MMRN1: variants seen among roughly 807,000 people sequenced by gnomAD.
The protein encoded by MMRN1 is multimerin 1.
In MMRN1, 94 loss-of-function variants were observed where a neutral mutation model predicts 100.7. The ratio of observed to expected loss-of-function variants is 0.93; its 90% CI spans 0.79 to 1.11. MMRN1 has a LOEUF of 1.11. MMRN1 is among the 50% of genes least tolerant of loss of function. MMRN1 has a pLI of 0.00. For synonymous variants in MMRN1, 575 were observed against 505.0 expected (o/e 1.14, Z -1.86); for missense variants, 1,606 against 1,439.1 (o/e 1.12, Z -1.88).
chr4:89,914,424 T>C (rs2110602245), intron 3 of MMRN1, among the ~76,000 whole-genome samples: 1 of 151,418 alleles, frequency 6.6e-6, no homozygotes, highest in African/African-American at 2.4e-5. Flanking sequence ...TAGCTGCAAC[T>C]CAGATAATCA....
chr4:89,889,979 A>G (rs930512077), upstream of MMRN1, among the ~76,000 whole-genome samples: 3 of 151,964 alleles, frequency 2.0e-5, no homozygotes, highest in South Asian at 2.1e-4. Context: ...AAAGTCACTC[A>G]GTGAAGACCT....
chr4:89,936,762 C>G lies in MMRN1; in HGVS notation c.3082C>G (p.Arg1028Gly). The G allele has an allele frequency of 1.9e-6, 3 of 1,604,392 alleles. No individual in the cohort carries two copies. The highest frequency in any genetic ancestry group is 2.5e-6 in the Non-Finnish European group (3 of 1,177,028). Residue 1028 changes from arginine to glycine, a missense_variant, in exon 6 of 8, where the codon CGG becomes GGG. Physicochemically the swap from Arg to Gly is moderately radical, Grantham distance 125. Coordinates refer to ENST00000264790, the MANE Select transcript of MMRN1 (RefSeq NM_007351.3). ...TVNLTTVLIGRTQRNTDNIIY... is the reference protein window; with the variant it reads ...TVNLTTVLIGGTQRNTDNIIY... ...AAATCTTACCACAGTCCTGATAGGC[C>G]GGACTCAAAGAAACACGGACAACAT...
chr4:89,913,408 A>G (rs2110600868), intron 3 of MMRN1, among the ~76,000 whole-genome samples: 1 of 151,446 alleles, frequency 6.6e-6, no homozygotes, highest in East Asian at 1.9e-4. Flanking sequence ...TACTAATGAA[A>G]TGTCATGGAC....
At chr4:89,928,796 A>C (rs1722344443) in intron 5 of MMRN1, among the ~76,000 whole-genome samples, 1 of 152,188 alleles carries the variant, frequency 6.6e-6, no homozygotes, top group Admixed American at 6.5e-5. Context: ...ATAATCAGAA[A>C]AATCTCTCTA....
At chr4:89,884,462 C>A (rs1720891612) in intron 1 of MMRN1, among the ~76,000 whole-genome samples, 1 of 152,108 alleles carries the variant, frequency 6.6e-6, no homozygotes, top group South Asian at 2.1e-4. Context: ...ATAAATGGAA[C>A]TTTAATGAAT....
At chr4:89,905,653 A>G (rs1366462126) in intron 1 of MMRN1, among the ~76,000 whole-genome samples, 1 of 151,476 alleles carries the variant, frequency 6.6e-6, no homozygotes, top group Non-Finnish European at 1.5e-5. Context: ...GTCTTGTCCT[A>G]TTTTGTTTTC....
rs768904212 is a variant in MMRN1 at position 89,953,133 on chromosome 4, T to C, written c.3402T>C (p.Thr1134=). Residue 1134 remains threonine, a synonymous_variant, in exon 8 of 8, where the codon ACT becomes ACC. Coordinates refer to ENST00000264790, the MANE Select transcript of MMRN1 (RefSeq NM_007351.3). ...ATGGAGCTTCATATACCCCAAGAACTGGAAAATTTAGAATTCCGTATCTTG... is the reference window on the plus strand; with the variant it reads ...ATGGAGCTTCATATACCCCAAGAACCGGAAAATTTAGAATTCCGTATCTTG... ...VNYGASYTPR[T]GKFRIPYLGV... 3 of 1,613,734 alleles carry C rather than the reference T, an allele frequency of 1.9e-6. No individual in the cohort carries two copies. Among genetic ancestry groups the C allele is most frequent in the Non-Finnish European group, 2.5e-6 (3 of 1,179,876 alleles).
rs73831859 is a variant in MMRN1, at chr4:89,927,721, C to T, written c.956-74C>T. On this transcript the variant is annotated intron_variant, in intron 4 of 7. Coordinates refer to ENST00000264790, the MANE Select transcript of MMRN1 (RefSeq NM_007351.3). ...TACAGAAGAAAGGGTTTTAGTTTTT[C>T]TCCATTCAGTATGATACCAACTATG... 5,601 of 1,349,612 alleles carry T rather than the reference C, an allele frequency of 4.2e-3. 205 individuals are homozygous for T. The African/African-American group carries it at 0.074, about 18-fold the overall frequency. The allele number at this position is 1,349,612 out of a possible 1,614,324, so 83.6% of individuals were successfully genotyped here. A position where few individuals can be genotyped will look rare whatever the true frequency, so the allele number is the denominator to read the frequency against.
Position 89,953,123 on chromosome 4 carries a change from C to T in MMRN1, c.3392C>T (p.Thr1131Ile). The change falls in exon 8 of 8, where the codon ACC (threonine) becomes ATC (isoleucine). Residue 1131 changes from threonine to isoleucine, a missense_variant. Coordinates refer to ENST00000264790, the MANE Select transcript of MMRN1 (RefSeq NM_007351.3). ...GATGTCAATTATGGAGCTTCATATA[C>T]CCCAAGAACTGGAAAATTTAGAATT... ...NLDVNYGASY[T>I]PRTGKFRIPY... is the part of the protein sequence containing the mutation. 6.2e-7 allele frequency: 1 copy of T among 1,613,770 alleles called. No individual in the cohort carries two copies.
upstream of MMRN1, among the ~76,000 whole-genome samples, chr4:89,889,907 A>G (rs1038952891): frequency 6.6e-5 from 10 of 152,138 alleles, no homozygotes; most frequent in African/African-American, 2.2e-4. Flanking sequence ...GCATTTCTAT[A>G]CCTTGGAAGA....
At chr4:89,946,547 A>G (rs1231516992) in intron 6 of MMRN1, among the ~76,000 whole-genome samples, 1 of 152,194 alleles carries the variant, frequency 6.6e-6, no homozygotes, top group Non-Finnish European at 1.5e-5. Flanking sequence ...TATTCATCAA[A>G]TTCCTGTTGA....
chr4:89,914,053 C>A (rs1721837591), intron 3 of MMRN1, among the ~76,000 whole-genome samples: 1 of 151,354 alleles, frequency 6.6e-6, no homozygotes, highest in Non-Finnish European at 1.5e-5. Context: ...AATTGATGCA[C>A]TGGTTGTATT....
intron 5 of MMRN1, among the ~76,000 whole-genome samples, chr4:89,933,470 A>C (rs1357163133): frequency 6.6e-6 from 1 of 152,134 alleles, no homozygotes; most frequent in Non-Finnish European, 1.5e-5. Flanking sequence ...GGTAAAAGCT[A>C]TATTAGTCCA....
At chr4:89,931,549 TA>T (rs899420953) in intron 5 of MMRN1, among the ~76,000 whole-genome samples, 1 of 152,082 alleles carries the variant, frequency 6.6e-6, no homozygotes, top group Admixed American at 6.6e-5. Flanking sequence ...ATATTGCTAT[TA>T]AAAAAACCTG....
intron 1 of MMRN1, among the ~76,000 whole-genome samples, chr4:89,888,930 G>A: frequency 6.6e-6 from 1 of 150,814 alleles, no homozygotes; most frequent in East Asian, 1.9e-4. Flanking sequence ...TTTTTTTAGG[G>A]TTTCTCTCTT....
Position 89,936,563 on chromosome 4 carries a change from A to C in MMRN1, c.2883A>C (p.Lys961Asn). The C allele has an allele frequency of 6.2e-7, 1 of 1,611,832 alleles. No homozygotes were observed. Among genetic ancestry groups the C allele is most frequent in the Non-Finnish European group, 8.5e-7 (1 of 1,179,256 alleles). ...HSLPDIQLLQ[K>N]GLTEFVEPII... Reference sequence around the variant, plus strand: ...TGCCAGATATTCAACTTCTTCAGAAAGGTCTAACAGAATTTGTGGAACCAA... The same window carrying C: ...TGCCAGATATTCAACTTCTTCAGAACGGTCTAACAGAATTTGTGGAACCAA... Residue 961 changes from lysine (K) to asparagine (N), a missense_variant, in exon 6 of 8, where the codon AAA becomes AAC. Coordinates refer to ENST00000264790, the MANE Select transcript of MMRN1 (RefSeq NM_007351.3).
At chr4:89,912,214 C>T (rs562461725) in intron 3 of MMRN1, among the ~76,000 whole-genome samples, 164 bp downstream of exon 3, 2 of 151,402 alleles carry the variant, frequency 1.3e-5, no homozygotes, top group Non-Finnish European at 3.0e-5. Context: ...TTTTATAACA[C>T]TCTGAAATCT....
chr4:89,943,113 A>C (rs886556167), intron 6 of MMRN1, among the ~76,000 whole-genome samples: 5 of 152,150 alleles, frequency 3.3e-5, no homozygotes, highest in African/African-American at 7.2e-5. Flanking sequence ...TCTGGAGAGA[A>C]TATCAAGAAG....
rs201006967 is a variant in MMRN1 at position 89,953,150 on chromosome 4, C to T, written c.3419C>T (p.Pro1140Leu). ...YTPRTGKFRI[P>L]YLGVYVFKYT... The stretch of plus-strand genomic sequence containing the variant: ...CCAAGAACTGGAAAATTTAGAATTC[C>T]GTATCTTGGAGTATATGTTTTCAAG... Residue 1140 changes from proline to leucine, a missense_variant, in exon 8 of 8, where the codon CCG (proline) becomes CTG (leucine). Physicochemically the swap from Pro to Leu is moderately conservative, Grantham distance 98. Transcript: ENST00000264790. 3.2e-5 allele frequency: 51 copies of T among 1,613,562 alleles called. No homozygotes were observed. Among genetic ancestry groups the T allele is most frequent in the Admixed American group, 6.7e-5 (4 of 59,914 alleles).
Sources: allele counts gnomAD v4.1 joint callset (sites outside exome capture counted in the v4.1 genomes callset), GRCh38; gene constraint gnomAD v4.1.1; transcripts MANE v1.5; gene names NCBI Gene and HGNC (gene_info 2026-07-23, HGNC 2026-07-21).